CAPS2: variants seen among roughly 807,000 people sequenced by gnomAD.
CAPS2 encodes the protein calcyphosine 2.
CAPS2 carries 98 observed loss-of-function variants against 86.5 expected under a neutral mutation model. The observed-to-expected ratio is 1.13, with a 90% CI of 0.96 to 1.34. The LOEUF is 1.34. Ranked by LOEUF, CAPS2 falls within the 40% of genes most tolerant of loss-of-function variation. The probability of loss-of-function intolerance (pLI) is 0.00; values close to 1 mark genes in which losing one functional copy is unlikely to be tolerated. For synonymous variants in CAPS2, 210 were observed against 225.1 expected (o/e 0.93, Z 0.60); for missense variants, 729 against 686.8 (o/e 1.06, Z -0.69).
intron 1 of CAPS2, among the ~76,000 whole-genome samples, chr12:75,338,503 T>C (rs1028747365): frequency 6.6e-6 from 1 of 152,206 alleles, no homozygotes; most frequent in Non-Finnish European, 1.5e-5. Flanking sequence ...CAATTCCTTT[T>C]ATTTCATTTT....
chr12:75,293,774 G>A (rs865836707), intron 11 of CAPS2, among the ~76,000 whole-genome samples: 2 of 152,098 alleles, frequency 1.3e-5, no homozygotes, highest in Non-Finnish European at 2.9e-5. Flanking sequence ...GATGACAGAT[G>A]TTGCCTAATT....
intron 1 of CAPS2, among the ~76,000 whole-genome samples, chr12:75,342,184 C>T (rs1022739004): frequency 4.6e-5 from 7 of 152,180 alleles, no homozygotes; most frequent in African/African-American, 1.4e-4. Flanking sequence ...GGTGTTGAAA[C>T]AGTGCTGTAT....
intron 1 of CAPS2, among the ~76,000 whole-genome samples, chr12:75,372,555 G>C (rs2044429333): frequency 6.6e-6 from 1 of 152,146 alleles, no homozygotes; most frequent in South Asian, 2.1e-4. Context: ...GATCACTAGG[G>C]GTGATGGTGA....
chr12:75,298,669 C>A lies in CAPS2; in HGVS notation c.1044+18G>T, dbSNP rs768675429. 26 of 1,575,066 alleles carry A rather than the reference C, an allele frequency of 1.7e-5. No individual in the cohort carries two copies. Among genetic ancestry groups the A allele is most frequent in the African/African-American group, 5.4e-5 (4 of 74,184 alleles). On this transcript the variant is annotated intron_variant, in intron 11 of 16. Transcript: ENST00000393284. ...CACCATCTGGTATTAAATGTGTGCA[C>A]ACACACACACCACTTACAACATAAA...
At chr12:75,327,631 T>C (rs866740774), upstream of CAPS2, among the ~76,000 whole-genome samples, 16 of 151,812 alleles carry the variant, frequency 1.1e-4, no homozygotes, top group African/African-American at 2.4e-4. Context: ...CAGACATACA[T>C]TGTAATCCTG....
intron 5 of CAPS2, among the ~76,000 whole-genome samples, chr12:75,316,846 T>A (rs2138906106): frequency 6.6e-6 from 1 of 152,210 alleles, no homozygotes; most frequent in South Asian, 2.1e-4. Context: ...AAAATTAAAT[T>A]CAGAAATAAA....
At chr12:75,332,023 C>T (rs2041363773), upstream of CAPS2, among the ~76,000 whole-genome samples, 1 of 152,126 alleles carries the variant, frequency 6.6e-6, no homozygotes. Context: ...TTTAGTATTT[C>T]TGAATATAGC....
chr12:75,323,185 C>T (rs1425853025), exon 3 of CAPS2: 3 of 1,541,344 alleles, frequency 1.9e-6, no homozygotes, highest in East Asian at 4.9e-5. Context: ...ACCTCATCAT[C>T]AGAGTCAACA....
intron 1 of CAPS2, among the ~76,000 whole-genome samples, chr12:75,358,412 T>A (rs918060165): frequency 2.0e-5 from 3 of 151,788 alleles, no homozygotes; most frequent in Non-Finnish European, 2.9e-5. Context: ...AATGCAGGTC[T>A]CATTTTACAT....
At chr12:75,347,911 T>C (rs2042562520) in intron 1 of CAPS2, among the ~76,000 whole-genome samples, 2 of 152,140 alleles carry the variant, frequency 1.3e-5, no homozygotes, top group South Asian at 4.1e-4. Flanking sequence ...AGAAAAATTA[T>C]ACCTATTATA....
intron 1 of CAPS2, among the ~76,000 whole-genome samples, chr12:75,388,537 G>T (rs951932379): frequency 1.3e-5 from 2 of 152,124 alleles, no homozygotes; most frequent in African/African-American, 4.8e-5. Context: ...AAGCCAATCT[G>T]AAAAGACTAC....
intron 8 of CAPS2, among the ~76,000 whole-genome samples, chr12:75,300,499 T>C (rs537466871): frequency 7.7e-6 from 1 of 129,796 alleles, no homozygotes; most frequent in South Asian, 2.3e-4. Flanking sequence ...GAGCTTGCAG[T>C]GAGCCGAGAT....
chr12:75,335,348 T>C (rs1340838522), intron 1 of CAPS2, among the ~76,000 whole-genome samples: 2 of 152,208 alleles, frequency 1.3e-5, no homozygotes, highest in Non-Finnish European at 2.9e-5. Context: ...CAACACTTCA[T>C]GTGTAGTATT....
chr12:75,390,828 G>C lies in CAPS2; in HGVS notation c.-395+10C>G, dbSNP rs1054944044. On this transcript the variant is annotated intron_variant, in intron 1 of 5. Coordinates refer to the CAPS2 transcript ENST00000551829. ...TCACTACATTAGTTTAGTGAAAAGG[G>C]CTTACTCACGTAACACAAGTCTTTC... 6.5e-6 allele frequency: 4 copies of C among 617,074 alleles called. No individual in the cohort carries two copies. In the African/African-American group the frequency reaches 7.3e-5, roughly 11 times the overall value. 38.2% of individuals were successfully genotyped at this position (617,074 alleles called of 1,614,324 possible).
At chr12:75,314,015 A>T (rs1288567928) in intron 6 of CAPS2, among the ~76,000 whole-genome samples, 1 of 152,038 alleles carries the variant, frequency 6.6e-6, no homozygotes, top group Non-Finnish European at 1.5e-5. Flanking sequence ...CGCCTCCCAG[A>T]TTCAAGTGAT....
At chr12:75,389,277 G>T (rs2045451579) in intron 1 of CAPS2, among the ~76,000 whole-genome samples, 1 of 152,172 alleles carries the variant, frequency 6.6e-6, no homozygotes, top group Non-Finnish European at 1.5e-5. Flanking sequence ...GCTCCCTGTG[G>T]ATAGACTCCA....
At chr12:75,340,641 A>G (rs946463542) in intron 1 of CAPS2, among the ~76,000 whole-genome samples, 1 of 151,944 alleles carries the variant, frequency 6.6e-6, no homozygotes, top group Non-Finnish European at 1.5e-5. Flanking sequence ...GGAAGATGAG[A>G]GGACAAACTA....
At chr12:75,335,513 C>T (rs951072978) in intron 1 of CAPS2, among the ~76,000 whole-genome samples, 1 of 152,104 alleles carries the variant, frequency 6.6e-6, no homozygotes, top group Non-Finnish European at 1.5e-5. Context: ...TTTATAAATG[C>T]ATCACTATGA....
At chr12:75,343,983 T>C (rs1187491980) in intron 1 of CAPS2, 3 of 1,470,656 alleles carry the variant, frequency 2.0e-6, no homozygotes, top group African/African-American at 1.4e-5. Context: ...TTTGTGCATA[T>C]TTTAATTGCC....
Sources: allele counts gnomAD v4.1 joint callset (sites outside exome capture counted in the v4.1 genomes callset), GRCh38; gene constraint gnomAD v4.1.1; transcripts MANE v1.5; gene names NCBI Gene and HGNC (gene_info 2026-07-23, HGNC 2026-07-21).